Variants in SLC35F4 observed in about 807,000 individuals in gnomAD.
SLC35F4 encodes the protein chromosome 14 open reading frame 36.
Under a neutral mutation model 44.2 loss-of-function variants are expected in SLC35F4, and 24 were observed. The observed-to-expected ratio is 0.54, with a 90% CI of 0.39 to 0.76. The LOEUF is 0.76. Ranked by LOEUF, SLC35F4 falls within the 30% of genes least tolerant of loss-of-function variation. The pLI, the probability that SLC35F4 is intolerant of heterozygous loss-of-function variation, is 0.00. For synonymous variants in SLC35F4, 238 were observed against 223.6 expected (o/e 1.06, Z -0.57); for missense variants, 562 against 586.1 (o/e 0.96, Z 0.42).
intron 1 of SLC35F4, among the ~76,000 whole-genome samples, chr14:57,934,133 A>G (rs1182772258): frequency 6.6e-6 from 1 of 151,964 alleles, no homozygotes; most frequent in Non-Finnish European, 1.5e-5. Context: ...TTTTAAAATT[A>G]CTTCTTTTAT....
chr14:57,799,717 A>G (rs972713657), intron 1 of SLC35F4, among the ~76,000 whole-genome samples: 3 of 152,262 alleles, frequency 2.0e-5, no homozygotes, highest in South Asian at 2.1e-4. Context: ...CTCCCCCTCA[A>G]TGCAGCACAG....
At chr14:57,862,545 C>T (rs1241930333) in intron 1 of SLC35F4, among the ~76,000 whole-genome samples, 1 of 152,236 alleles carries the variant, frequency 6.6e-6, no homozygotes, top group African/African-American at 2.4e-5. Flanking sequence ...TTGTTCACTC[C>T]ACTTCAGCCA....
At chr14:57,801,038 G>A (rs2078180443) in intron 1 of SLC35F4, among the ~76,000 whole-genome samples, 3 of 152,098 alleles carry the variant, frequency 2.0e-5, no homozygotes, top group Non-Finnish European at 2.9e-5. Context: ...GATACTCCAT[G>A]AGAAGATCAA....
chr14:57,931,665 T>C (rs975399859), intron 1 of SLC35F4, among the ~76,000 whole-genome samples: 10 of 152,364 alleles, frequency 6.6e-5, no homozygotes, highest in African/African-American at 1.9e-4. Flanking sequence ...GATCATGTCA[T>C]CTTGCCTGGG....
chr14:57,856,289 C>T (rs1323226793), intron 1 of SLC35F4, among the ~76,000 whole-genome samples: 1 of 152,018 alleles, frequency 6.6e-6, no homozygotes, highest in Non-Finnish European at 1.5e-5. Context: ...ACTGCACATT[C>T]TGCACATGTA....
chr14:57,839,592 C>T (rs1054130871), intron 1 of SLC35F4, among the ~76,000 whole-genome samples: 1 of 151,990 alleles, frequency 6.6e-6, no homozygotes, highest in African/African-American at 2.4e-5. Context: ...ACACTGGGGC[C>T]TTTTCAGGGA....
intron 1 of SLC35F4, among the ~76,000 whole-genome samples, chr14:57,696,323 T>C (rs1486446048): frequency 2.0e-5 from 3 of 152,120 alleles, no homozygotes; most frequent in African/African-American, 7.2e-5. Context: ...AAAAAGCTCA[T>C]CATCACTGGT....
intron 1 of SLC35F4, among the ~76,000 whole-genome samples, chr14:57,659,469 A>G (rs2146621): frequency 0.64 from 96,627 of 152,026 alleles, 31,117 homozygotes; most frequent in African/African-American, 0.73. Flanking sequence ...AATTAAATAG[A>G]AATAGAAATT....
intron 1 of SLC35F4, among the ~76,000 whole-genome samples, chr14:57,902,460 G>T (rs534083276): frequency 3.3e-5 from 5 of 151,980 alleles, no homozygotes; most frequent in African/African-American, 1.2e-4. Context: ...CTACTCGGGA[G>T]GCTGAGGCAG....
intron 7 of SLC35F4, among the ~76,000 whole-genome samples, chr14:57,565,149 G>A (rs1482832930): frequency 6.6e-6 from 1 of 152,152 alleles, no homozygotes; most frequent in Admixed American, 6.5e-5. Context: ...TCACATTTAG[G>A]CTTCTCTACC....
upstream of SLC35F4, among the ~76,000 whole-genome samples, chr14:57,868,354 G>A (rs1888226634): frequency 1.3e-5 from 2 of 152,096 alleles, no homozygotes; most frequent in Admixed American, 1.3e-4. Context: ...TTGATAAACA[G>A]TCAAAGGTAA....
chr14:57,696,719 T>G (rs2075394027), intron 1 of SLC35F4, among the ~76,000 whole-genome samples: 1 of 152,190 alleles, frequency 6.6e-6, no homozygotes, highest in African/African-American at 2.4e-5. Flanking sequence ...ATATACACCA[T>G]GGAATATTAT....
intron 1 of SLC35F4, among the ~76,000 whole-genome samples, chr14:57,820,609 C>T (rs929645132): frequency 2.6e-5 from 4 of 152,154 alleles, no homozygotes; most frequent in African/African-American, 4.8e-5. Context: ...CAAACTACAT[C>T]GTTTAATATT....
chr14:57,748,586 A>G (rs1242465465), intron 1 of SLC35F4, among the ~76,000 whole-genome samples: 1 of 152,170 alleles, frequency 6.6e-6, no homozygotes, highest in Non-Finnish European at 1.5e-5. Context: ...ACAAGATACC[A>G]AAGAAATTTT....
intron 1 of SLC35F4, among the ~76,000 whole-genome samples, chr14:57,917,015 GTTTTT>G (rs923963215): frequency 6.7e-6 from 1 of 148,722 alleles, no homozygotes; most frequent in African/African-American, 2.4e-5. Context: ...CTCTGGTTTT[GTTTTT>G]GTTTGTTTGT....
intron 1 of SLC35F4, among the ~76,000 whole-genome samples, chr14:57,846,164 A>G (rs1049078764): frequency 3.9e-5 from 6 of 152,338 alleles, no homozygotes; most frequent in African/African-American, 1.4e-4. Flanking sequence ...ATCTGCCTCA[A>G]CTAAAATTCC....
At chr14:57,945,556 T>C (rs1190157167) in intron 1 of SLC35F4, among the ~76,000 whole-genome samples, 2 of 151,604 alleles carry the variant, frequency 1.3e-5, no homozygotes. Flanking sequence ...ATTTTTGCAG[T>C]TGCAAATTGT....
At chr14:57,758,380 A>G (rs935001123) in intron 1 of SLC35F4, among the ~76,000 whole-genome samples, 2 of 152,006 alleles carry the variant, frequency 1.3e-5, no homozygotes, top group African/African-American at 4.8e-5. Flanking sequence ...CTCTGTATGT[A>G]TCATCTTGGA....
chr14:57,865,865 A>G lies in SLC35F4; in HGVS notation c.-40T>C. ...GACGGCCCCGAGTGCGGCGGGGCGGAGAGCGCAGCGCGGGGCCCGGGAGCT... is the reference window on the plus strand; with the variant it reads ...GACGGCCCCGAGTGCGGCGGGGCGGGGAGCGCAGCGCGGGGCCCGGGAGCT... On this transcript the variant is annotated 5_prime_UTR_variant, in exon 1 of 8. Transcript: ENST00000556826. 1 of 1,430,020 alleles carries G rather than the reference A, an allele frequency of 7.0e-7. No individual in the cohort carries two copies. The highest frequency in any genetic ancestry group is 2.3e-5 in the Admixed American group (1 of 44,286). The allele number at this position is 1,430,020 out of a possible 1,614,324, so 88.6% of individuals were successfully genotyped here. A position where few individuals can be genotyped will look rare whatever the true frequency, so the allele number is the denominator to read the frequency against.
Sources: allele counts gnomAD v4.1 joint callset (sites outside exome capture counted in the v4.1 genomes callset), GRCh38; gene constraint gnomAD v4.1.1; transcripts MANE v1.5; gene names NCBI Gene and HGNC (gene_info 2026-07-23, HGNC 2026-07-21).